The following NRCAM variants were observed in gnomAD, a reference collection of about 807,000 sequenced individuals.
NRCAM encodes neuronal cell adhesion molecule, also known as NgCAM-related cell adhesion molecule.
Under a neutral mutation model 156.5 loss-of-function variants are expected in NRCAM, and 83 were observed. That is an observed-to-expected ratio of 0.53 (90% CI 0.44 to 0.64). NRCAM has a LOEUF of 0.64. Ranked by LOEUF, NRCAM falls within the 30% of genes least tolerant of loss-of-function variation. NRCAM has a pLI of 0.00. For missense variants in NRCAM, 1,417 were observed against 1,597.3 expected, an observed-to-expected ratio of 0.89 and a Z score of 1.92; for synonymous variants, 538 against 563.9, an observed-to-expected ratio of 0.95 and a Z score of 0.65.
intron 1 of NRCAM, among the ~76,000 whole-genome samples, chr7:108,442,232 C>G (rs2154482938): frequency 6.6e-6 from 1 of 152,182 alleles, no homozygotes; most frequent in Admixed American, 6.5e-5. Flanking sequence ...GGCAGAGAGC[C>G]CGGTGAGTCA....
chr7:108,205,615 A>AG (rs1468203338), intron 13 of NRCAM, among the ~76,000 whole-genome samples: 1 of 152,212 alleles, frequency 6.6e-6, no homozygotes, highest in Non-Finnish European at 1.5e-5. Context: ...TCTAGATCTC[A>AG]GGGACACTTT....
chr7:108,175,147 T>C (rs1277881223), intron 28 of NRCAM, among the ~76,000 whole-genome samples, 175 bp downstream of exon 28: 1 of 152,216 alleles, frequency 6.6e-6, no homozygotes, highest in Non-Finnish European at 1.5e-5. Flanking sequence ...AATATGTGGC[T>C]TTCTACTTGT....
chr7:108,354,787 G>A (rs1031175512), intron 2 of NRCAM, among the ~76,000 whole-genome samples: 20 of 151,946 alleles, frequency 1.3e-4, no homozygotes, highest in African/African-American at 4.4e-4. Flanking sequence ...CCAGCTACTC[G>A]GGAGGCAGAG....
intron 2 of NRCAM, among the ~76,000 whole-genome samples, chr7:108,347,013 T>C (rs2099360220): frequency 6.6e-6 from 1 of 150,792 alleles, no homozygotes; most frequent in South Asian, 2.1e-4. Flanking sequence ...ATTACATATG[T>C]GACTCATATT....
chr7:108,305,121 T>C (rs1475319859), intron 3 of NRCAM, among the ~76,000 whole-genome samples: 29 of 152,168 alleles, frequency 1.9e-4, no homozygotes, highest in Non-Finnish European at 1.5e-5. Context: ...TGACTTCTGG[T>C]TTGGGTAGAA....
At chr7:108,223,602 T>G in intron 11 of NRCAM, 123 bp downstream of exon 11, 1 of 476,902 alleles carries the variant, frequency 2.1e-6, no homozygotes, top group Non-Finnish European at 3.7e-6. Flanking sequence ...TACCAAATTT[T>G]TCTTGATGCT....
At chr7:108,243,534 A>G (rs79363072) in intron 3 of NRCAM, among the ~76,000 whole-genome samples, 1 of 152,344 alleles carries the variant, frequency 6.6e-6, no homozygotes, top group East Asian at 1.9e-4. Context: ...TAAATTGTTA[A>G]TGTAATTATA....
chr7:108,360,149 T>C (rs935288320), intron 2 of NRCAM, among the ~76,000 whole-genome samples: 2 of 152,188 alleles, frequency 1.3e-5, no homozygotes, highest in African/African-American at 4.8e-5. Flanking sequence ...GAAGTGGTTA[T>C]CTGTAGAAAT....
chr7:108,235,327 G>C (rs1331514901), intron 5 of NRCAM, among the ~76,000 whole-genome samples: 1 of 152,100 alleles, frequency 6.6e-6, no homozygotes, highest in Non-Finnish European at 1.5e-5. Context: ...AGTGTTATCT[G>C]ATCTTTTATT....
At chr7:108,367,062 A>G (rs2099596111) in intron 2 of NRCAM, among the ~76,000 whole-genome samples, 1 of 152,222 alleles carries the variant, frequency 6.6e-6, no homozygotes. Flanking sequence ...CATTTACTCA[A>G]TTCTTTGGCA....
At chr7:108,375,369 C>T (rs2154349042) in intron 2 of NRCAM, among the ~76,000 whole-genome samples, 1 of 152,156 alleles carries the variant, frequency 6.6e-6, no homozygotes, top group South Asian at 2.1e-4. Flanking sequence ...CTTCTACAGC[C>T]CTTCAAGGAT....
intron 2 of NRCAM, among the ~76,000 whole-genome samples, chr7:108,327,929 GGGA>G (rs2099087320): frequency 6.6e-6 from 1 of 152,106 alleles, no homozygotes; most frequent in Non-Finnish European, 1.5e-5. Context: ...CAGAAAATAA[GGGA>G]GAATAAGGCC....
chr7:108,344,993 G>A (rs960787978), intron 2 of NRCAM, among the ~76,000 whole-genome samples: 1 of 152,172 alleles, frequency 6.6e-6, no homozygotes, highest in African/African-American at 2.4e-5. Flanking sequence ...AATAGAATAG[G>A]ATTCAACTCA....
intron 3 of NRCAM, among the ~76,000 whole-genome samples, chr7:108,307,309 C>T (rs1453080258): frequency 2.0e-5 from 3 of 152,212 alleles, no homozygotes; most frequent in Non-Finnish European, 4.4e-5. Flanking sequence ...CATTAATCAA[C>T]ACTGCTATAA....
At chr7:108,271,876 G>T (rs1271986720) in intron 3 of NRCAM, among the ~76,000 whole-genome samples, 1 of 152,110 alleles carries the variant, frequency 6.6e-6, no homozygotes, top group Non-Finnish European at 1.5e-5. Context: ...CTGTTGGGCT[G>T]GGGTCACATG....
chr7:108,191,470 C>G (rs538873391), intron 18 of NRCAM, among the ~76,000 whole-genome samples, 187 bp from the exon 19 acceptor site: 1 of 152,082 alleles, frequency 6.6e-6, no homozygotes, highest in Non-Finnish European at 1.5e-5. Context: ...ATTTTAGATA[C>G]AAGTAGATCA....
chr7:108,222,234 T>C (rs965081911), intron 11 of NRCAM, among the ~76,000 whole-genome samples: 13 of 152,222 alleles, frequency 8.5e-5, no homozygotes, highest in African/African-American at 2.4e-4. Context: ...GAAAAAGCCA[T>C]GAATTGTTTT....
intron 12 of NRCAM, 137 bp from the exon 13 acceptor site, chr7:108,207,796 T>A (rs2081962262): frequency 1.6e-6 from 1 of 614,912 alleles, no homozygotes; most frequent in Non-Finnish European, 2.7e-6. Flanking sequence ...CGAATAGATT[T>A]ATAAACAATG....
chr7:108,346,153 T>A (rs2099352735), intron 2 of NRCAM, among the ~76,000 whole-genome samples: 1 of 152,124 alleles, frequency 6.6e-6, no homozygotes, highest in Admixed American at 6.5e-5. Context: ...GACTGTGGGA[T>A]TTACTTAAGA....
Sources: gnomAD v4.1 joint callset for allele counts (sites outside exome capture counted in the v4.1 genomes callset) on GRCh38, gnomAD v4.1.1 for gene constraint, MANE v1.5 for transcripts, NCBI Gene and HGNC (gene_info 2026-07-23, HGNC 2026-07-21) for gene names.